SLC7A2: variants seen among roughly 807,000 people sequenced by gnomAD.
SLC7A2 encodes cationic amino acid transporter 2.
In SLC7A2, 48 loss-of-function variants were observed where a neutral mutation model predicts 58.9. The ratio of observed to expected loss-of-function variants is 0.82; its 90% CI spans 0.65 to 1.04. The LOEUF is 1.04. Ranked by LOEUF, SLC7A2 falls within the 50% of genes least tolerant of loss-of-function variation. The pLI is 0.00. For synonymous variants in SLC7A2, 363 were observed against 314.5 expected (o/e 1.15, Z -1.63); for missense variants, 1,029 against 818.8 (o/e 1.26, Z -3.13).
Position 17,565,057 on chromosome 8 carries a change from G to C in SLC7A2, c.1888G>C (p.Glu630Gln), listed in dbSNP as rs1803202525. 6.2e-7 allele frequency: 1 copy of C among 1,613,842 alleles called. No individual in the cohort carries two copies. Among genetic ancestry groups the C allele is most frequent in the African/African-American group, 1.3e-5 (1 of 74,894 alleles). ...TCCAGACAACGTTCATGCAGCAGCA[G>C]AAGAAAAATCTGCCATTCAAGCAAA... is the stretch of plus-strand genomic sequence containing the variant. The part of the protein sequence containing the change: ...AYPDNVHAAA[E>Q]EKSAIQANDH... The change falls in exon 13 of 13, where the codon GAA (glutamate) becomes CAA (glutamine). Residue 630 changes from glutamate to glutamine, a missense_variant. Glu to Gln is a conservative substitution (Grantham distance 29). Transcript: ENST00000494857.
At position 17,567,107 on chromosome 8, in the gene SLC7A2, C is replaced by G. The variant is rs1423344305; in HGVS notation, c.*1961C>G. 1.3e-5 allele frequency: 2 copies of G among 152,586 alleles called. No individual in the cohort carries two copies. Among genetic ancestry groups the G allele is most frequent in the African/African-American group, 2.4e-5 (1 of 41,446 alleles). 9.5% of individuals were successfully genotyped at this position (152,586 alleles called of 1,614,324 possible). On this transcript the variant is annotated 3_prime_UTR_variant, in exon 13 of 13. Transcript: ENST00000494857. ...ACTTCCAGGGTGCACATGGTAAAAT[C>G]TGAAGCCCAGAATTTTCTCTCAAGC...
chr8:17,546,797 T>C (rs1802193513), intron 4 of SLC7A2, among the ~76,000 whole-genome samples: 1 of 152,186 alleles, frequency 6.6e-6, no homozygotes, highest in Admixed American at 6.5e-5. Flanking sequence ...ACTAAATCTG[T>C]GGCATCATCT....
chr8:17,554,997 G>A (rs763150887), intron 8 of SLC7A2: 3 of 1,613,984 alleles, frequency 1.9e-6, no homozygotes, highest in Non-Finnish European at 2.5e-6. Context: ...CCATGGCCCG[G>A]GATGGCTTAC....
Position 17,551,766 on chromosome 8 carries a change from G to T in SLC7A2, c.835G>T (p.Glu279Ter). 6.2e-7 allele frequency: 1 copy of T among 1,611,216 alleles called. No homozygotes were observed. The highest frequency in any genetic ancestry group is 8.5e-7 in the Non-Finnish European group (1 of 1,177,476). Residue 279 changes from glutamate to a stop codon, truncating the protein, a stop_gained and splice_region_variant, in exon 7 of 13, where the codon GAA becomes TAA. Transcript: ENST00000494857. LOFTEE classifies it high-confidence loss of function. ...VGFDCIATTG[E>*]EVRNPQKAIP... Reference sequence around the variant, plus strand: ...ATCTTTTGTTTATATTTCCTTAGGTGAAGAAGTTCGGAATCCCCAGAAAGC... The same window carrying T: ...ATCTTTTGTTTATATTTCCTTAGGTTAAGAAGTTCGGAATCCCCAGAAAGC...
At chr8:17,517,141 T>G (rs2150679939) in intron 2 of SLC7A2, among the ~76,000 whole-genome samples, 1 of 152,340 alleles carries the variant, frequency 6.6e-6, no homozygotes, top group East Asian at 1.9e-4. Context: ...CACACATTCC[T>G]TGCATGGATT....
intron 2 of SLC7A2, among the ~76,000 whole-genome samples, chr8:17,531,038 G>T (rs1349349836): frequency 6.6e-6 from 1 of 152,186 alleles, no homozygotes; most frequent in Non-Finnish European, 1.5e-5. Flanking sequence ...ATACGGTGTG[G>T]TTTCAAATAA....
intron 2 of SLC7A2, among the ~76,000 whole-genome samples, chr8:17,520,937 C>A (rs55974486): frequency 0.012 from 1,769 of 152,130 alleles, 12 homozygotes; most frequent in Non-Finnish European, 0.019. Context: ...GATTTTTAAC[C>A]TACAGCTAAG....
intron 2 of SLC7A2, among the ~76,000 whole-genome samples, chr8:17,505,022 T>C (rs2150649852): frequency 6.6e-6 from 1 of 152,226 alleles, no homozygotes; most frequent in Middle Eastern, 3.4e-3. Context: ...CAGCAGTGGC[T>C]CCCTTGATGT....
chr8:17,521,696 C>T lies in SLC7A2; in HGVS notation c.-23+19394C>T, dbSNP rs1585203242. Among the ~76,000 whole-genome samples the T allele has an allele frequency of 2.6e-5, 4 of 152,324 alleles. No homozygotes were observed. The South Asian group carries it at 8.3e-4, about 32-fold the overall frequency. ...GCAAGCCTCTCATTAGCATGGGGTG[C>T]TGCGGTATGCTTGGCCAAGGAGGAA... On this transcript the variant is annotated intron_variant, in intron 2 of 12. Coordinates refer to ENST00000494857, the MANE Select transcript of SLC7A2 (RefSeq NM_001370338.1).
intron 5 of SLC7A2, among the ~76,000 whole-genome samples, chr8:17,549,513 C>G (rs1292886899): frequency 6.6e-6 from 1 of 152,090 alleles, no homozygotes; most frequent in Non-Finnish European, 1.5e-5. Flanking sequence ...ATCTTTTCCC[C>G]CCAGCAGTTT....
chr8:17,550,923 A>G (rs1204599948), intron 6 of SLC7A2, among the ~76,000 whole-genome samples: 2 of 152,194 alleles, frequency 1.3e-5, no homozygotes, highest in East Asian at 3.9e-4. Context: ...TTTTTACGTC[A>G]TAGTGTGGCC....
intron 2 of SLC7A2, among the ~76,000 whole-genome samples, chr8:17,518,892 C>A (rs929388621): frequency 6.6e-6 from 1 of 152,042 alleles, no homozygotes; most frequent in African/African-American, 2.4e-5. Flanking sequence ...GATTATGGTG[C>A]CAGCATGGTT....
intron 11 of SLC7A2, among the ~76,000 whole-genome samples, chr8:17,563,135 A>G (rs533568870): frequency 6.6e-6 from 1 of 152,282 alleles, no homozygotes; most frequent in South Asian, 2.1e-4. Flanking sequence ...AGAGTGAGAC[A>G]CTGTCTCTAA....
At chr8:17,515,209 A>G (rs560144937) in intron 2 of SLC7A2, among the ~76,000 whole-genome samples, 1 of 152,228 alleles carries the variant, frequency 6.6e-6, no homozygotes, top group East Asian at 1.9e-4. Flanking sequence ...TACTTTTCCA[A>G]AGTCATCAAT....
chr8:17,516,902 C>CA (rs1265565582), intron 2 of SLC7A2, among the ~76,000 whole-genome samples: 1 of 152,184 alleles, frequency 6.6e-6, no homozygotes, highest in East Asian at 1.9e-4. Flanking sequence ...ACAGAGCAGT[C>CA]AAACAAATCC....
chr8:17,522,181 A>C (rs1273978177), intron 2 of SLC7A2, among the ~76,000 whole-genome samples: 1 of 152,148 alleles, frequency 6.6e-6, no homozygotes, highest in African/African-American at 2.4e-5. Flanking sequence ...CAGATGGCAA[A>C]AGTCACGTCT....
intron 2 of SLC7A2, among the ~76,000 whole-genome samples, chr8:17,510,253 T>TAAA (rs1800549348): frequency 6.6e-6 from 1 of 151,106 alleles, no homozygotes; most frequent in Admixed American, 6.6e-5. Context: ...ATAATAATAA[T>TAAA]AAAAGAGTGA....
chr8:17,516,914 T>G (rs1282847604), intron 2 of SLC7A2, among the ~76,000 whole-genome samples: 2 of 152,220 alleles, frequency 1.3e-5, no homozygotes, highest in Non-Finnish European at 2.9e-5. Context: ...AACAAATCCC[T>G]GTCTTCATGC....
At chr8:17,524,261 C>T (rs550871910) in intron 2 of SLC7A2, among the ~76,000 whole-genome samples, 1 of 152,054 alleles carries the variant, frequency 6.6e-6, no homozygotes, top group South Asian at 2.1e-4. Flanking sequence ...TAGGTATCTA[C>T]CAAAGGAAAA....
Sources: allele counts gnomAD v4.1 joint callset (sites outside exome capture counted in the v4.1 genomes callset), GRCh38; gene constraint gnomAD v4.1.1; transcripts MANE v1.5; gene names NCBI Gene and HGNC (gene_info 2026-07-23, HGNC 2026-07-21).